Variants in CACNA2D1 observed in about 807,000 individuals in gnomAD.
The protein encoded by CACNA2D1 is voltage-dependent calcium channel subunit alpha-2/delta-1.
In CACNA2D1, 53 loss-of-function variants were observed where a neutral mutation model predicts 171.5. The observed-to-expected ratio is 0.31, with a 90% confidence interval of 0.25 to 0.39. CACNA2D1 has a LOEUF of 0.39. CACNA2D1 is among the 10% of genes least tolerant of loss of function. The pLI, the probability that CACNA2D1 is intolerant of heterozygous loss-of-function variation, is 1.00. For synonymous variants in CACNA2D1, 442 were observed against 443.1 expected, an observed-to-expected ratio of 1.00 and a Z score of 0.03; for missense variants, 903 against 1,299.8, an observed-to-expected ratio of 0.69 and a Z score of 4.69.
rs112668944 is a variant in CACNA2D1, at chr7:82,420,249, T to C, written c.95+23116A>G. ...TGAATTGTCACCAAATACTACACAATGAAGTACAAACAAGTTCTATAAAAT... is the reference window on the plus strand; with the variant it reads ...TGAATTGTCACCAAATACTACACAACGAAGTACAAACAAGTTCTATAAAAT... On this transcript the variant is annotated intron_variant, in intron 1 of 38. Coordinates refer to ENST00000356860, the MANE Select transcript of CACNA2D1 (RefSeq NM_000722.4). Among the ~76,000 whole-genome samples, 699 of 152,294 alleles carry C rather than the reference T, an allele frequency of 4.6e-3. 1 individual carries two copies. Among genetic ancestry groups the C allele is most frequent in the Non-Finnish European group, 7.5e-3 (509 of 68,032 alleles).
intron 10 of CACNA2D1, among the ~76,000 whole-genome samples, chr7:82,038,554 C>T (rs1308459981): frequency 1.3e-5 from 2 of 152,148 alleles, no homozygotes; most frequent in Admixed American, 1.3e-4. Context: ...TAATCCAAAG[C>T]AATGAAATAG....
At chr7:82,217,634 T>TCACACACACA (rs71522607) in intron 3 of CACNA2D1, among the ~76,000 whole-genome samples, 4,272 of 140,140 alleles carry the variant, frequency 0.03, 199 homozygotes, top group African/African-American at 0.11. Context: ...TGGCACAGTT[T>TCACACACACA]CACACACACA....
intron 3 of CACNA2D1, among the ~76,000 whole-genome samples, chr7:82,332,510 T>TAAAGAAAGAAAGAAAGAAAGAAAG (rs757450961): frequency 1.1e-3 from 106 of 92,638 alleles, no homozygotes; most frequent in East Asian, 2.2e-3. Flanking sequence ...AAAAGAAATA[T>TAAAGAAAGAAAGAAAGAAAGAAAG]AAAGAAAGAA....
At chr7:81,965,547 G>GA in intron 32 of CACNA2D1, 47 bp downstream of exon 32, 1 of 975,880 alleles carries the variant, frequency 1.0e-6, no homozygotes, top group Non-Finnish European at 1.7e-6. Flanking sequence ...GTTGATCCGG[G>GA]AAACACACTT....
At chr7:82,048,960 A>G (rs1198385642) in intron 10 of CACNA2D1, among the ~76,000 whole-genome samples, 1 of 152,024 alleles carries the variant, frequency 6.6e-6, no homozygotes, top group African/African-American at 2.4e-5. Context: ...CTCACCCTGA[A>G]TATTACTTTG....
At chr7:82,282,438 T>C (rs1585326001) in intron 3 of CACNA2D1, among the ~76,000 whole-genome samples, 1 of 152,126 alleles carries the variant, frequency 6.6e-6, no homozygotes, top group South Asian at 2.1e-4. Context: ...GAGAAAAATC[T>C]ATGTGAAAGT....
At position 82,109,146 on chromosome 7, in the gene CACNA2D1, A is replaced by AATTTT. The variant is rs542519881; in HGVS notation, c.526+7897_526+7898insAAAAT. 3.0e-4 allele frequency among the ~76,000 whole-genome samples: 46 copies of AATTTT among 152,290 alleles called. No homozygotes were observed. The East Asian group carries it at 8.9e-3, about 29-fold the overall frequency. ...ACAACATTTTACTGAAAGTTCTTTA[A>AATTTT]AAACATTCACTTTTTTAGTCATTTA... On this transcript the variant is annotated intron_variant, in intron 6 of 38. Coordinates refer to ENST00000356860, the MANE Select transcript of CACNA2D1 (RefSeq NM_000722.4).
intron 3 of CACNA2D1, among the ~76,000 whole-genome samples, chr7:82,250,323 T>G (rs1446096901): frequency 1.3e-5 from 2 of 152,204 alleles, no homozygotes; most frequent in African/African-American, 4.8e-5. Flanking sequence ...GCAATTCTCC[T>G]GCATTTTAAG....
intron 5 of CACNA2D1, among the ~76,000 whole-genome samples, chr7:82,118,985 C>T (rs1160258045): frequency 6.6e-6 from 1 of 151,964 alleles, no homozygotes; most frequent in Non-Finnish European, 1.5e-5. Flanking sequence ...CATCATACTC[C>T]ATGTCTTTAC....
intron 21 of CACNA2D1, among the ~76,000 whole-genome samples, chr7:81,987,742 T>C (rs1256882882): frequency 6.6e-6 from 1 of 152,124 alleles, no homozygotes; most frequent in Non-Finnish European, 1.5e-5. Flanking sequence ...AGTTGGAGAC[T>C]TGGAAAGCGA....
At position 82,323,381 on chromosome 7, in the gene CACNA2D1, T is replaced by C. The variant is rs111991143; in HGVS notation, c.294+11754A>G. Among the ~76,000 whole-genome samples, 1,315 of 152,296 alleles carry C rather than the reference T, an allele frequency of 8.6e-3. 28 individuals are homozygous for C. The South Asian group carries it at 0.094, about 11-fold the overall frequency. ...AGACTCTCAAGTCCCCAAGTAAAGT[T>C]TGATGACTATCATCATAGAAAGAAC... is the stretch of plus-strand genomic sequence containing the variant. On this transcript the variant is annotated intron_variant, in intron 3 of 38. Coordinates refer to ENST00000356860, the MANE Select transcript of CACNA2D1 (RefSeq NM_000722.4).
intron 3 of CACNA2D1, among the ~76,000 whole-genome samples, chr7:82,192,460 T>TTGTGTG (rs200160135): frequency 5.8e-5 from 8 of 136,762 alleles, no homozygotes; most frequent in African/African-American, 1.4e-4. Context: ...GTGTTTGTGT[T>TTGTGTG]TGTGTGTGTG....
chr7:82,289,144 T>C (rs1811212252), intron 3 of CACNA2D1, among the ~76,000 whole-genome samples: 1 of 152,194 alleles, frequency 6.6e-6, no homozygotes. Flanking sequence ...TTATGGTGAA[T>C]TGAAAGTCAA....
chr7:82,320,686 A>G (rs1256614399), intron 3 of CACNA2D1, among the ~76,000 whole-genome samples: 1 of 151,046 alleles, frequency 6.6e-6, no homozygotes, highest in Non-Finnish European at 1.5e-5. Flanking sequence ...AAATGTTGAG[A>G]TTACAGGAGT....
intron 1 of CACNA2D1, among the ~76,000 whole-genome samples, chr7:82,434,494 A>C (rs1203492492): frequency 6.6e-6 from 1 of 152,088 alleles, no homozygotes; most frequent in African/African-American, 2.4e-5. Context: ...AGTACTCATT[A>C]GTTATTTTTT....
In CACNA2D1 at chr7:82,368,915, A is replaced by G. The variant is rs533599118; in HGVS notation, c.96-19266T>C. Among the ~76,000 whole-genome samples, 6 of 152,298 alleles carry G rather than the reference A, an allele frequency of 3.9e-5. No individual in the cohort carries two copies. The South Asian group carries it at 1.2e-3, about 32-fold the overall frequency. ...CCAGAATAACCTAAGTTCATCTTAG[A>G]TCATTCTGTATAAAATGAAGAAGTT... is the stretch of plus-strand genomic sequence containing the variant. On this transcript the variant is annotated intron_variant, in intron 1 of 38. Coordinates refer to ENST00000356860, the MANE Select transcript of CACNA2D1 (RefSeq NM_000722.4).
intron 24 of CACNA2D1, among the ~76,000 whole-genome samples, chr7:81,979,383 C>A (rs1380594315): frequency 3.9e-5 from 6 of 152,120 alleles, no homozygotes; most frequent in African/African-American, 1.4e-4. Flanking sequence ...AAATCCACTG[C>A]CTATGAATTA....
At chr7:81,975,765 CATT>C (rs1795776715) in intron 24 of CACNA2D1, among the ~76,000 whole-genome samples, 1 of 152,062 alleles carries the variant, frequency 6.6e-6, no homozygotes, top group South Asian at 2.1e-4. Flanking sequence ...AATTTACACT[CATT>C]ATTATCTTCA....
At chr7:81,955,854 TTTATAA>T (rs1793195127) in intron 38 of CACNA2D1, among the ~76,000 whole-genome samples, 1 of 133,578 alleles carries the variant, frequency 7.5e-6, no homozygotes, top group African/African-American at 2.8e-5. Context: ...CCATGATAGA[TTTATAA>T]TTATAGTTCA....
Sources: gnomAD v4.1 joint callset for allele counts (sites outside exome capture counted in the v4.1 genomes callset) on GRCh38, gnomAD v4.1.1 for gene constraint, MANE v1.5 for transcripts, NCBI Gene and HGNC (gene_info 2026-07-23, HGNC 2026-07-21) for gene names.